Variants in NAT1 observed in about 807,000 individuals in gnomAD.
NAT1 encodes arylamine N-acetyltransferase 1.
For synonymous variants in NAT1, 144 were observed against 122.6 expected, an observed-to-expected ratio of 1.17 and a Z score of -1.16; for missense variants, 400 against 339.2, an observed-to-expected ratio of 1.18 and a Z score of -1.41.
At position 18,174,600 on chromosome 8, in the gene NAT1, C is replaced by A. The variant is rs569055734; in HGVS notation, n.92+3861C>A. 2.0e-5 allele frequency among the ~76,000 whole-genome samples: 3 copies of A among 152,198 alleles called. No homozygotes were observed. The South Asian group carries it at 6.2e-4, about 32-fold the overall frequency. ...TTCAACTTAACAAATAATTCAAAAT[C>A]CGGAGGAGTCCTCACGCCCTGGAGA... On this transcript the variant is annotated intron_variant and non_coding_transcript_variant, in intron 2 of 4. Coordinates refer to the NAT1 transcript ENST00000517441.
At chr8:18,191,714 C>G (rs964301770) in intron 2 of NAT1, among the ~76,000 whole-genome samples, 1 of 152,140 alleles carries the variant, frequency 6.6e-6, no homozygotes, top group African/African-American at 2.4e-5. Context: ...TGATCTTTGA[C>G]AAACCTGAGA....
At chr8:18,194,919 G>C (rs1297784267) in intron 2 of NAT1, among the ~76,000 whole-genome samples, 1 of 152,174 alleles carries the variant, frequency 6.6e-6, no homozygotes, top group African/African-American at 2.4e-5. Flanking sequence ...AGCTGCATGG[G>C]AGTAATTGTG....
chr8:18,204,127 C>T (rs1346977976), intron 2 of NAT1, among the ~76,000 whole-genome samples: 1 of 152,092 alleles, frequency 6.6e-6, no homozygotes, highest in Non-Finnish European at 1.5e-5. Flanking sequence ...ATAAAATTGG[C>T]TGCAGTCCGC....
At chr8:18,209,840 G>C (rs1438109702), upstream of NAT1, 1 of 152,086 alleles carries the variant, frequency 6.6e-6, no homozygotes, top group African/African-American at 2.4e-5. Context: ...ATCACACATG[G>C]GACATCTAGT....
intron 2 of NAT1, among the ~76,000 whole-genome samples, chr8:18,193,519 AT>A (rs1477783646): frequency 6.8e-6 from 1 of 146,686 alleles, no homozygotes; most frequent in Admixed American, 6.9e-5. Context: ...ATATATATAT[AT>A]ATCACATACT....
intron 2 of NAT1, among the ~76,000 whole-genome samples, chr8:18,187,221 A>T (rs1802773932): frequency 6.6e-6 from 1 of 152,232 alleles, no homozygotes; most frequent in Non-Finnish European, 1.5e-5. Flanking sequence ...GAGGCTGTGG[A>T]GAAAAGGAAA....
At chr8:18,213,784 T>C (rs899656175) in intron 1 of NAT1, among the ~76,000 whole-genome samples, 1 of 152,194 alleles carries the variant, frequency 6.6e-6, no homozygotes, top group Non-Finnish European at 1.5e-5. Context: ...CTGGTCTTTC[T>C]TGATCTTCAG....
Position 18,222,509 on chromosome 8 carries a change from A to G in NAT1, c.462A>G (p.Glu154=), listed in dbSNP as rs780928928. The G allele has an allele frequency of 3.1e-6, 5 of 1,614,024 alleles. No homozygotes were observed. Among genetic ancestry groups the G allele is most frequent in the Non-Finnish European group, 4.2e-6 (5 of 1,180,018 alleles). The change falls in exon 3 of 3, where the codon GAA becomes GAG. Residue 154 remains glutamate, a synonymous_variant. Coordinates refer to ENST00000307719, the MANE Select transcript of NAT1 (RefSeq NM_000662.8). ...TGCCTTGTGTCTTCCGTTTGACGGA[A>G]GAGAATGGATTCTGGTATCTAGACC... The part of the protein sequence containing the change: ...PQVPCVFRLT[E]ENGFWYLDQI...
At chr8:18,185,907 T>C (rs1240787021) in intron 2 of NAT1, among the ~76,000 whole-genome samples, 2 of 152,318 alleles carry the variant, frequency 1.3e-5, no homozygotes, top group East Asian at 3.9e-4. Flanking sequence ...CTTTGATCCT[T>C]GGCTTAGTTA....
intron 2 of NAT1, among the ~76,000 whole-genome samples, chr8:18,176,960 AT>A (rs543361341): frequency 6.6e-6 from 1 of 151,974 alleles, no homozygotes; most frequent in Non-Finnish European, 1.5e-5. Context: ...ACTCTTAAGT[AT>A]TTTTTCTGAT....
At chr8:18,202,336 G>A (rs186133971) in intron 2 of NAT1, among the ~76,000 whole-genome samples, 87 of 152,228 alleles carry the variant, frequency 5.7e-4, no homozygotes, top group Admixed American at 7.9e-4. Flanking sequence ...GGAACTGAAC[G>A]GGCAATCAAG....
chr8:18,175,413 G>C (rs1802259295), intron 2 of NAT1, among the ~76,000 whole-genome samples: 1 of 151,584 alleles, frequency 6.6e-6, no homozygotes, highest in African/African-American at 2.4e-5. Context: ...TATACTTTTT[G>C]TTTCTATGAG....
In NAT1 at chr8:18,179,332, A is replaced by G. The variant is rs28383676; in HGVS notation, n.92+8593A>G. The stretch of plus-strand genomic sequence containing the variant: ...AAAAGGTAGATAGGGAAGAGAGAGA[A>G]TGAAATAACTGATTTTAGGGAATTG... On this transcript the variant is annotated intron_variant and non_coding_transcript_variant, in intron 2 of 4. Coordinates refer to the NAT1 transcript ENST00000517441. Among the ~76,000 whole-genome samples the G allele has an allele frequency of 1.3e-3, 205 of 152,286 alleles. 2 individuals are homozygous for G. Among genetic ancestry groups the G allele is most frequent in the African/African-American group, 4.7e-3 (197 of 41,568 alleles).
chr8:18,206,693 G>A (rs1803739540), upstream of NAT1, among the ~76,000 whole-genome samples: 1 of 152,138 alleles, frequency 6.6e-6, no homozygotes, highest in Non-Finnish European at 1.5e-5. Flanking sequence ...ACTTGTTTAA[G>A]TTCCTTATAG....
intron 2 of NAT1, among the ~76,000 whole-genome samples, chr8:18,204,871 G>T (rs1039241673): frequency 1.3e-5 from 2 of 152,166 alleles, no homozygotes; most frequent in Non-Finnish European, 2.9e-5. Context: ...TATCCTATTT[G>T]ATGACCATGA....
Position 18,177,335 on chromosome 8 carries a change from A to G in NAT1, n.92+6596A>G, listed in dbSNP as rs2117208483. ...TGAATTAACTTAGATTTGATCTTTG[A>G]TATTAACCCACAAGTTTTATTTATA... On this transcript the variant is annotated intron_variant and non_coding_transcript_variant, in intron 2 of 4. Coordinates refer to the NAT1 transcript ENST00000517441. Among the ~76,000 whole-genome samples, 4 of 152,216 alleles carry G rather than the reference A, an allele frequency of 2.6e-5. 1 individual carries two copies. In the Middle Eastern group the frequency reaches 0.014, roughly 518 times the overall value.
At chr8:18,221,240 C>T (rs1805259148) in intron 2 of NAT1, among the ~76,000 whole-genome samples, 2 of 151,458 alleles carry the variant, frequency 1.3e-5, no homozygotes, top group South Asian at 4.2e-4. Context: ...TGGAACAATC[C>T]TCCTCACGCA....
chr8:18,184,006 A>C (rs548030742), intron 2 of NAT1, among the ~76,000 whole-genome samples: 1 of 152,128 alleles, frequency 6.6e-6, no homozygotes, highest in African/African-American at 2.4e-5. Flanking sequence ...GGCAGTGTAT[A>C]CTAGTGGCTC....
In NAT1 at chr8:18,188,719, C is replaced by A. The variant is rs116978448; in HGVS notation, n.92+17980C>A. Among the ~76,000 whole-genome samples the A allele has an allele frequency of 9.8e-3, 1,483 of 151,288 alleles. 14 individuals carry two copies. Among genetic ancestry groups the A allele is most frequent in the Middle Eastern group, 0.079 (23 of 292 alleles). ...ACCTACTTTTAGAAAAACATCAGGC[C>A]GGGCGTGGTGGCTCATACCTGTAAT... is the stretch of plus-strand genomic sequence containing the variant. On this transcript the variant is annotated intron_variant and non_coding_transcript_variant, in intron 2 of 4. Coordinates refer to the NAT1 transcript ENST00000517441.
Sources: allele counts gnomAD v4.1 joint callset (sites outside exome capture counted in the v4.1 genomes callset), GRCh38; gene constraint gnomAD v4.1.1; transcripts MANE v1.5; gene names NCBI Gene and HGNC (gene_info 2026-07-23, HGNC 2026-07-21).